Variants in LRRC56 observed in about 807,000 individuals in gnomAD.
LRRC56 encodes leucine-rich repeat-containing protein 56.
A neutral mutation model predicts 47.8 loss-of-function variants in LRRC56; 41 were observed. The observed-to-expected ratio is 0.86, with a 90% CI of 0.67 to 1.11. LRRC56 has a LOEUF of 1.11. Among genes scored for constraint, LRRC56 ranks in the 50% most tolerant of loss-of-function variants. LRRC56 has a pLI of 0.00. For missense variants in LRRC56, 759 were observed against 704.2 expected, an observed-to-expected ratio of 1.08 and a Z score of -0.88; for synonymous variants, 387 against 311.2, an observed-to-expected ratio of 1.24 and a Z score of -2.56.
chr11:540,284 C>T (rs2134019852), intron 3 of LRRC56, among the ~76,000 whole-genome samples: 1 of 152,326 alleles, frequency 6.6e-6, no homozygotes, highest in South Asian at 2.1e-4. Context: ...CAGCTTGAGG[C>T]AGTGCCGGGA....
chr11:539,923 G>A (rs1011524029), intron 3 of LRRC56, among the ~76,000 whole-genome samples, 197 bp downstream of exon 3: 2 of 152,292 alleles, frequency 1.3e-5, no homozygotes, highest in South Asian at 2.1e-4. Context: ...GGACCCAGAG[G>A]TACCCCAGCA....
intron 5 of LRRC56, among the ~76,000 whole-genome samples, chr11:543,956 A>T (rs143143220): frequency 6.6e-6 from 1 of 151,942 alleles, no homozygotes; most frequent in Non-Finnish European, 1.5e-5. Flanking sequence ...CACCGTGTTA[A>T]CCAGGATGGT....
At chr11:538,500 C>CTTG (rs796256331) in intron 1 of LRRC56, 98 bp from the exon 2 acceptor site, 48 of 152,398 alleles carry the variant, frequency 3.1e-4, no homozygotes, top group African/African-American at 1.1e-3. Context: ...TTCTTTGATC[C>CTTG]TTGGTGCATG....
At chr11:529,193 C>T in the LRRC56 span, 1 of 152,340 alleles carries the variant, frequency 6.6e-6, no homozygotes, top group Non-Finnish European at 1.5e-5. Flanking sequence ...ACGGACCCGA[C>T]CTTCCTTGGC....
the LRRC56 span, among the ~76,000 whole-genome samples, chr11:515,575 C>T: frequency 2.0e-5 from 3 of 152,334 alleles, no homozygotes; most frequent in Non-Finnish European, 4.4e-5. Context: ...ACAGTGCTCA[C>T]ACCTGTAATC....
chr11:535,721 G>A (rs1217928652), upstream of LRRC56, among the ~76,000 whole-genome samples: 1 of 152,130 alleles, frequency 6.6e-6, no homozygotes, highest in Non-Finnish European at 1.5e-5. Context: ...AGCAACGCGG[G>A]AGGCGGAGCC....
rs781231221 is a variant in LRRC56, at chr11:551,258, C to T, written c.752C>T (p.Ala251Val). The change falls in exon 9 of 14, where the codon GCG becomes GTG. Residue 251 changes from alanine (A) to valine (V), a missense_variant. Physicochemically the swap from Ala to Val is moderately conservative, Grantham distance 64. Transcript: ENST00000270115. ...CCGCGGCTGAGCCAGGACTGGCTTGCGGTGAAGGAGGCCATCAAGAAGGGC... is the reference window on the plus strand; with the variant it reads ...CCGCGGCTGAGCCAGGACTGGCTTGTGGTGAAGGAGGCCATCAAGAAGGGC... ...APPRLSQDWL[A>V]VKEAIKKGNG... 3.1e-5 allele frequency: 47 copies of T among 1,540,608 alleles called. No homozygotes were observed. In the Middle Eastern group the frequency reaches 5.0e-4, roughly 17 times the overall value.
the LRRC56 span, among the ~76,000 whole-genome samples, chr11:524,534 G>A: frequency 6.6e-6 from 1 of 152,050 alleles, no homozygotes; most frequent in Non-Finnish European, 1.5e-5. Flanking sequence ...GGGAGGCTGA[G>A]GCAGGAGAAT....
intron 6 of LRRC56, among the ~76,000 whole-genome samples, chr11:547,254 CAAAG>C (rs1307801229): frequency 3.3e-5 from 5 of 151,516 alleles, no homozygotes; most frequent in Admixed American, 6.6e-5. Context: ...AAAACAAAAA[CAAAG>C]AACAAAAAAA....
At chr11:518,087 C>T in the LRRC56 span, among the ~76,000 whole-genome samples, 1 of 152,202 alleles carries the variant, frequency 6.6e-6, no homozygotes, top group South Asian at 2.1e-4. Flanking sequence ...ACGTGTTTAT[C>T]TGCTGACCTT....
At chr11:533,091 G>A (rs1296220124), upstream of LRRC56, among the ~76,000 whole-genome samples, 1 of 152,220 alleles carries the variant, frequency 6.6e-6, no homozygotes, top group Non-Finnish European at 1.5e-5. Context: ...GAACCAACAG[G>A]TGCCCGTGGG....
At chr11:516,047 C>G in the LRRC56 span, among the ~76,000 whole-genome samples, 1 of 152,158 alleles carries the variant, frequency 6.6e-6, no homozygotes, top group African/African-American at 2.4e-5. Flanking sequence ...TTCCACTGAT[C>G]TATTTGTCTA....
chr11:530,474 C>T, the LRRC56 span, among the ~76,000 whole-genome samples: 7 of 90,140 alleles, frequency 7.8e-5, no homozygotes, highest in South Asian at 7.8e-4. Context: ...GAGAGAAGGG[C>T]GAGTGTGGCG....
the LRRC56 span, among the ~76,000 whole-genome samples, chr11:516,878 C>T: frequency 6.6e-6 from 1 of 152,246 alleles, no homozygotes; most frequent in African/African-American, 2.4e-5. Context: ...TCCCTTCGGT[C>T]TCCCTCTGTT....
the LRRC56 span, among the ~76,000 whole-genome samples, chr11:527,786 C>T: frequency 6.1e-4 from 92 of 151,150 alleles, 1 homozygote; most frequent in African/African-American, 2.2e-3. Context: ...CCGCAACCTC[C>T]ACCCACTGGG....
At chr11:533,816 A>G (rs2133990288), upstream of LRRC56, 2 of 1,613,380 alleles carry the variant, frequency 1.2e-6, no homozygotes, top group Non-Finnish European at 1.7e-6. Context: ...TGGCAAACAC[A>G]CACAGGAAGC....
At chr11:508,489 G>A in the LRRC56 span, among the ~76,000 whole-genome samples, 1 of 152,232 alleles carries the variant, frequency 6.6e-6, no homozygotes, top group Admixed American at 6.5e-5. Flanking sequence ...GGTTCTGGCC[G>A]GGCGTGGTGG....
chr11:508,355 T>G, the LRRC56 span, among the ~76,000 whole-genome samples: 1 of 152,056 alleles, frequency 6.6e-6, no homozygotes, highest in Non-Finnish European at 1.5e-5. Flanking sequence ...AGAGAAGAGG[T>G]CTCCCTGTGT....
rs1170309931 is a variant in LRRC56 at position 553,991 on chromosome 11, G to A, written c.1344G>A (p.Leu448=). ...CCTCCGGGACCTCGAGCCAGCACCTGGTCCCTTCACCTCCCAAGCACCCAA... is the reference window on the plus strand; with the variant it reads ...CCTCCGGGACCTCGAGCCAGCACCTAGTCCCTTCACCTCCCAAGCACCCAA... The part of the protein sequence containing the change: ...SEPSGTSSQH[L]VPSPPKHPRP... Residue 448 remains leucine, a synonymous_variant, in exon 14 of 14, where the codon CTG becomes CTA. Transcript: ENST00000270115. 3.1e-6 allele frequency: 5 copies of A among 1,612,202 alleles called. No homozygotes were observed. Among genetic ancestry groups the A allele is most frequent in the Admixed American group, 1.7e-5 (1 of 59,972 alleles).
Sources: gnomAD v4.1 joint callset for allele counts (sites outside exome capture counted in the v4.1 genomes callset) on GRCh38, gnomAD v4.1.1 for gene constraint, MANE v1.5 for transcripts, NCBI Gene and HGNC (gene_info 2026-07-23, HGNC 2026-07-21) for gene names.